Variants in TMEM117 observed in about 807,000 individuals in gnomAD.
TMEM117 encodes transmembrane protein 117.
Under a neutral mutation model 52.4 loss-of-function variants are expected in TMEM117, and 27 were observed. The ratio of observed to expected loss-of-function variants is 0.51; its 90% CI spans 0.38 to 0.71. The LOEUF (loss-of-function observed/expected upper bound fraction) is 0.71, where lower values mean the gene tolerates loss of function less well. TMEM117 is among the 30% of genes least tolerant of loss of function. TMEM117 has a pLI of 0.00. For missense variants in TMEM117, 556 were observed against 630.5 expected (o/e 0.88, Z 1.26); for synonymous variants, 215 against 206.3 (o/e 1.04, Z -0.36).
At chr12:44,026,568 G>T (rs1272542648) in intron 3 of TMEM117, among the ~76,000 whole-genome samples, 2 of 151,930 alleles carry the variant, frequency 1.3e-5, no homozygotes, top group Non-Finnish European at 2.9e-5. Flanking sequence ...CATTTATTAT[G>T]ATTTATAATT....
chr12:44,152,851 A>AT (rs1948772928), intron 4 of TMEM117, among the ~76,000 whole-genome samples: 1 of 145,216 alleles, frequency 6.9e-6, no homozygotes, highest in Non-Finnish European at 1.5e-5. Flanking sequence ...TATAAATACA[A>AT]TATATACATT....
At chr12:44,393,060 GAAAC>G (rs1365702934), downstream of TMEM117, among the ~76,000 whole-genome samples, 1 of 151,960 alleles carries the variant, frequency 6.6e-6, no homozygotes, top group Admixed American at 6.6e-5. Context: ...AATTTAATGA[GAAAC>G]AAAATTGGAA....
intron 2 of TMEM117, among the ~76,000 whole-genome samples, chr12:43,907,286 C>G (rs1220822916): frequency 6.6e-6 from 1 of 151,750 alleles, no homozygotes; most frequent in East Asian, 1.9e-4. Flanking sequence ...GCCGAGGGTC[C>G]TGTCTGTTAG....
chr12:44,101,321 A>G (rs936272019), intron 3 of TMEM117, among the ~76,000 whole-genome samples: 2 of 151,928 alleles, frequency 1.3e-5, no homozygotes, highest in East Asian at 1.9e-4. Flanking sequence ...CATTGAGACC[A>G]TGGCAGTGCT....
chr12:44,097,121 T>C (rs1053038189), intron 3 of TMEM117, among the ~76,000 whole-genome samples: 2 of 152,140 alleles, frequency 1.3e-5, no homozygotes, highest in Non-Finnish European at 2.9e-5. Flanking sequence ...AAAATGCTCA[T>C]CATCACTGGC....
rs188771708 is a variant in TMEM117 at position 44,376,718 on chromosome 12, A to G, written c.892A>G (p.Ile298Val). ...KIFKEEYRIH[I>V]TGKWFNYGII... ...CTTCAAGGAGGAATATCGTATTCACATAACAGGTGTGTTATATCTTTGAAC... is the reference window on the plus strand; with the variant it reads ...CTTCAAGGAGGAATATCGTATTCACGTAACAGGTGTGTTATATCTTTGAAC... The change falls in exon 7 of 8, where the codon ATA becomes GTA. Residue 298 changes from isoleucine (I) to valine (V), a missense_variant. Transcript: ENST00000266534. 8.7e-6 allele frequency: 14 copies of G among 1,605,172 alleles called. No homozygotes were observed. In the South Asian group the frequency reaches 1.0e-4, roughly 12 times the overall value.
At chr12:44,329,051 C>G (rs1410658709) in intron 6 of TMEM117, among the ~76,000 whole-genome samples, 1 of 151,844 alleles carries the variant, frequency 6.6e-6, no homozygotes, top group Non-Finnish European at 1.5e-5. Flanking sequence ...GACTATCCCA[C>G]CACAACCAGA....
intron 3 of TMEM117, among the ~76,000 whole-genome samples, chr12:44,064,145 AGAT>A (rs1947185514): frequency 1.3e-5 from 2 of 152,104 alleles, no homozygotes; most frequent in South Asian, 4.1e-4. Flanking sequence ...CTAAAAAGAG[AGAT>A]GATGACAGAC....
rs890684974 is a variant in TMEM117 at position 43,927,644 on chromosome 12, A to G, written c.278-16566A>G. On this transcript the variant is annotated intron_variant, in intron 2 of 7. Coordinates refer to ENST00000266534, the MANE Select transcript of TMEM117 (RefSeq NM_032256.3). ...ATTCTATTTACCTGGAGAATTTATT[A>G]TTTGTTATTATGTAATGATTCTCTT... 8.6e-5 allele frequency among the ~76,000 whole-genome samples: 13 copies of G among 151,874 alleles called. 1 individual carries two copies. Among genetic ancestry groups the G allele is most frequent in the Non-Finnish European group, 1.8e-4 (12 of 67,852 alleles).
At chr12:44,211,145 A>G (rs1047695340) in intron 4 of TMEM117, 145 bp from the exon 5 acceptor site, 9 of 637,710 alleles carry the variant, frequency 1.4e-5, no homozygotes, top group Admixed American at 6.6e-5. Flanking sequence ...TGAATGAAGT[A>G]TATCCTAATT....
At chr12:44,219,412 C>T (rs570938526) in intron 5 of TMEM117, among the ~76,000 whole-genome samples, 55 of 152,236 alleles carry the variant, frequency 3.6e-4, no homozygotes, top group Middle Eastern at 3.4e-3. Flanking sequence ...ACAATCAGAA[C>T]ATTCTGTGTA....
chr12:43,981,746 C>T (rs1161496374), intron 3 of TMEM117, among the ~76,000 whole-genome samples: 1 of 151,858 alleles, frequency 6.6e-6, no homozygotes, highest in Non-Finnish European at 1.5e-5. Flanking sequence ...GGTTCTACTA[C>T]AAAAATTACC....
intron 5 of TMEM117, among the ~76,000 whole-genome samples, chr12:44,255,987 AC>A (rs1950255665): frequency 6.6e-6 from 1 of 151,990 alleles, no homozygotes; most frequent in Admixed American, 6.6e-5. Flanking sequence ...GCCAATCCAG[AC>A]CATTCCTCAT....
chr12:43,915,150 G>T (rs1356390554), intron 2 of TMEM117, among the ~76,000 whole-genome samples: 1 of 152,170 alleles, frequency 6.6e-6, no homozygotes, highest in Non-Finnish European at 1.5e-5. Flanking sequence ...CAGACATCCA[G>T]GTTCTCAAAG....
chr12:44,010,702 A>G (rs551637471), intron 3 of TMEM117, among the ~76,000 whole-genome samples: 17 of 152,262 alleles, frequency 1.1e-4, no homozygotes, highest in African/African-American at 3.6e-4. Flanking sequence ...TACAATATAC[A>G]TTTATAAGTA....
chr12:44,309,776 TAAAA>T (rs61352410), intron 6 of TMEM117, among the ~76,000 whole-genome samples: 1 of 134,670 alleles, frequency 7.4e-6, no homozygotes, highest in Admixed American at 7.5e-5. Context: ...GAATGAGAAT[TAAAA>T]AAAAAAAAAA....
chr12:44,208,715 C>T (rs1592607251), intron 4 of TMEM117, among the ~76,000 whole-genome samples: 1 of 129,818 alleles, frequency 7.7e-6, no homozygotes, highest in Non-Finnish European at 1.6e-5. Flanking sequence ...TGCCTGGCAT[C>T]AGAAAGAATG....
At chr12:43,878,760 C>G (rs1943846619) in intron 2 of TMEM117, among the ~76,000 whole-genome samples, 1 of 152,068 alleles carries the variant, frequency 6.6e-6, no homozygotes, top group Admixed American at 6.5e-5. Context: ...AGTTTAGAAA[C>G]TTGGAGAACA....
intron 2 of TMEM117, among the ~76,000 whole-genome samples, chr12:43,932,507 A>G (rs918985181): frequency 1.3e-5 from 2 of 152,138 alleles, no homozygotes; most frequent in Admixed American, 1.3e-4. Flanking sequence ...CGCTTGGCTT[A>G]AAAGAAATAA....
Sources: gnomAD v4.1 joint callset for allele counts (sites outside exome capture counted in the v4.1 genomes callset) on GRCh38, gnomAD v4.1.1 for gene constraint, MANE v1.5 for transcripts, NCBI Gene and HGNC (gene_info 2026-07-23, HGNC 2026-07-21) for gene names.